Variants in MYLK observed in about 807,000 individuals in gnomAD.
The protein encoded by MYLK is myosin light chain kinase, smooth muscle.
MYLK carries 106 observed loss-of-function variants against 203.4 expected under a neutral mutation model. The ratio of observed to expected loss-of-function variants is 0.52; its 90% CI spans 0.45 to 0.61. The LOEUF (loss-of-function observed/expected upper bound fraction) is 0.61. Ranked by LOEUF, MYLK falls within the 20% of genes least tolerant of loss-of-function variation. The pLI is 0.00. For missense variants in MYLK, 2,072 were observed against 2,442.3 expected, an observed-to-expected ratio of 0.85 and a Z score of 3.20; for synonymous variants, 867 against 959.5, an observed-to-expected ratio of 0.90 and a Z score of 1.78.
intron 29 of MYLK, among the ~76,000 whole-genome samples, chr3:123,635,084 C>G (rs1287887014): frequency 6.6e-6 from 1 of 152,210 alleles, no homozygotes; most frequent in Non-Finnish European, 1.5e-5. Flanking sequence ...GGTCTGTTGC[C>G]TTCCCTTCCA....
chr3:123,626,660 C>G (rs2058161669), intron 31 of MYLK, among the ~76,000 whole-genome samples, 158 bp downstream of exon 31: 1 of 152,188 alleles, frequency 6.6e-6, no homozygotes, highest in African/African-American at 2.4e-5. Flanking sequence ...CTAAGCAAAC[C>G]ACTGTACCTT....
intron 4 of MYLK, among the ~76,000 whole-genome samples, chr3:123,782,361 T>C (rs898866531): frequency 6.6e-6 from 1 of 152,250 alleles, no homozygotes; most frequent in Non-Finnish European, 1.5e-5. Flanking sequence ...AATTCATTAG[T>C]TGCAAGATCA....
chr3:123,767,391 G>A (rs2063740372), intron 4 of MYLK, among the ~76,000 whole-genome samples: 1 of 152,224 alleles, frequency 6.6e-6, no homozygotes, highest in Admixed American at 6.5e-5. Context: ...CAGATCACCT[G>A]AGATCAGGAG....
chr3:123,727,265 G>A (rs2062323533), intron 11 of MYLK, among the ~76,000 whole-genome samples: 1 of 152,160 alleles, frequency 6.6e-6, no homozygotes, highest in Non-Finnish European at 1.5e-5. Flanking sequence ...CTGGCACTGA[G>A]GGAGGGTCAG....
Position 123,614,230 on chromosome 3 carries a change from C to A in MYLK, c.5620G>T (p.Gly1874Trp). The change falls in exon 34 of 34, where the codon GGG (glycine) becomes TGG (tryptophan). Residue 1874 changes from glycine to tryptophan, a missense_variant. Physicochemically the swap from Gly to Trp is radical, Grantham distance 184. Coordinates refer to ENST00000360304, the MANE Select transcript of MYLK (RefSeq NM_053025.4). ...NCSLIISDVC[G>W]DDDAKYTCKA... ...CAGGTGTACTTGGCATCGTCATCCC[C>A]GCAAACATCACTAATAATTAAAGAG... 6.2e-7 allele frequency: 1 copy of A among 1,614,040 alleles called. No homozygotes were observed. The highest frequency in any genetic ancestry group is 8.5e-7 in the Non-Finnish European group (1 of 1,180,012).
At chr3:123,825,183 A>G (rs2066074273) in intron 3 of MYLK, among the ~76,000 whole-genome samples, 1 of 152,048 alleles carries the variant, frequency 6.6e-6, no homozygotes, top group Admixed American at 6.5e-5. Flanking sequence ...TAGAATTCAG[A>G]TAAGAGACTT....
intron 12 of MYLK, among the ~76,000 whole-genome samples, chr3:123,724,752 A>C (rs1047156763): frequency 6.6e-6 from 1 of 151,800 alleles, no homozygotes; most frequent in African/African-American, 2.4e-5. Context: ...TCATTTATTT[A>C]TTTATTTATT....
At chr3:123,750,786 C>T (rs2063168784) in intron 5 of MYLK, among the ~76,000 whole-genome samples, 2 of 152,196 alleles carry the variant, frequency 1.3e-5, no homozygotes, top group Non-Finnish European at 1.5e-5. Flanking sequence ...AAGCACAGCA[C>T]CAGGATGGCA....
intron 8 of MYLK, among the ~76,000 whole-genome samples, chr3:123,736,726 A>G (rs1378069508): frequency 6.6e-6 from 1 of 152,180 alleles, no homozygotes; most frequent in Non-Finnish European, 1.5e-5. Flanking sequence ...AATTCTGGGC[A>G]GGTTAAATTT....
intron 19 of MYLK, chr3:123,692,512 G>T: frequency 1.2e-6 from 1 of 869,004 alleles, no homozygotes; most frequent in Non-Finnish European, 1.7e-6. Context: ...GACAGCCAGG[G>T]GAGGGGTGAA....
intron 4 of MYLK, among the ~76,000 whole-genome samples, chr3:123,777,546 T>C (rs12108031): frequency 0.085 from 12,875 of 152,242 alleles, 1,787 homozygotes; most frequent in African/African-American, 0.29. Context: ...TCTCTTCCCC[T>C]GTGAAACTTT....
chr3:123,733,877 C>T lies in MYLK; in HGVS notation c.1119G>A (p.Arg373=). 2 of 1,614,114 alleles carry T rather than the reference C, an allele frequency of 1.2e-6. No individual in the cohort carries two copies. Among genetic ancestry groups the T allele is most frequent in the Non-Finnish European group, 1.7e-6 (2 of 1,180,042 alleles). The stretch of plus-strand genomic sequence containing the variant: ...AGGTGGCTGGACGGGGAGGAGCTGG[C>T]CTCTTCCTCTCTTCTCCAGAAGGTG... The part of the protein sequence containing the change: ...VLSPSGEERK[R]PAPPRPATFP... The change falls in exon 10 of 34, where the codon AGG becomes AGA. Residue 373 remains arginine (R), a synonymous_variant. Coordinates refer to ENST00000360304, the MANE Select transcript of MYLK (RefSeq NM_053025.4).
At chr3:123,751,838 C>T (rs1166491477) in intron 5 of MYLK, among the ~76,000 whole-genome samples, 1 of 152,054 alleles carries the variant, frequency 6.6e-6, no homozygotes, top group Non-Finnish European at 1.5e-5. Context: ...TGAGAACAGA[C>T]TTGAAGGATG....
intron 16 of MYLK, among the ~76,000 whole-genome samples, chr3:123,705,258 TC>T (rs2061418874): frequency 6.6e-6 from 1 of 152,114 alleles, no homozygotes; most frequent in Non-Finnish European, 1.5e-5. Flanking sequence ...CAGGAAACTC[TC>T]CACTGACTTG....
At chr3:123,694,558 G>C (rs557434180) in intron 18 of MYLK, among the ~76,000 whole-genome samples, 9 of 152,296 alleles carry the variant, frequency 5.9e-5, no homozygotes, top group Non-Finnish European at 1.2e-4. Context: ...AGTCAGGGTG[G>C]GGCTAAGGCT....
rs1336133023 is a variant in MYLK at position 123,649,146 on chromosome 3, CAG to C, written c.4321+14_4321+15del. ...CCACCCCAAGAGCCTGACCCGAAGACAGGGGCTGCACTCACCATCATCTGACA... is the reference window on the plus strand; with the variant it reads ...CCACCCCAAGAGCCTGACCCGAAGACGGGCTGCACTCACCATCATCTGACA... On this transcript the variant is annotated intron_variant, in intron 25 of 33. Coordinates refer to ENST00000360304, the MANE Select transcript of MYLK (RefSeq NM_053025.4). 6 of 1,613,804 alleles carry C rather than the reference CAG, an allele frequency of 3.7e-6. No homozygotes were observed. The highest frequency in any genetic ancestry group is 1.1e-5 in the South Asian group (1 of 91,068).
chr3:123,649,654 G>A (rs1489351401), intron 24 of MYLK, among the ~76,000 whole-genome samples: 1 of 152,186 alleles, frequency 6.6e-6, no homozygotes, highest in Non-Finnish European at 1.5e-5. Flanking sequence ...CATCTTGAAT[G>A]CCAGTTATTG....
chr3:123,769,445 G>C (rs530960177), intron 4 of MYLK, among the ~76,000 whole-genome samples: 1 of 152,226 alleles, frequency 6.6e-6, no homozygotes, highest in Non-Finnish European at 1.5e-5. Flanking sequence ...ACTCATGAGA[G>C]GGAAACAGGC....
chr3:123,832,248 C>T (rs1301657479), intron 2 of MYLK, among the ~76,000 whole-genome samples: 6 of 152,312 alleles, frequency 3.9e-5, no homozygotes, highest in East Asian at 1.9e-4. Context: ...AGGTGGAACA[C>T]GGGACCCCCG....
Sources: allele counts gnomAD v4.1 joint callset (sites outside exome capture counted in the v4.1 genomes callset), GRCh38; gene constraint gnomAD v4.1.1; transcripts MANE v1.5; gene names NCBI Gene and HGNC (gene_info 2026-07-23, HGNC 2026-07-21).